Variants in ATXN2 observed in about 807,000 individuals in gnomAD.
The protein encoded by ATXN2 is ataxin 2, also known as ataxin-2.
Under a neutral mutation model 138.6 loss-of-function variants are expected in ATXN2, and 37 were observed. The observed-to-expected ratio is 0.27, with a 90% CI of 0.21 to 0.35. The LOEUF (loss-of-function observed/expected upper bound fraction) is 0.35. Among genes scored for constraint, ATXN2 ranks in the 10% least tolerant of loss-of-function variants. ATXN2 has a pLI of 1.00. For missense variants in ATXN2, 1,216 were observed against 1,480.3 expected (o/e 0.82, Z 2.93); for synonymous variants, 549 against 543.7 (o/e 1.01, Z -0.13).
intron 1 of ATXN2, among the ~76,000 whole-genome samples, chr12:111,557,835 G>A (rs1276909737): frequency 6.6e-6 from 1 of 152,118 alleles, no homozygotes; most frequent in Non-Finnish European, 1.5e-5. Flanking sequence ...GTACATGAAG[G>A]CTAAAATGCC....
intron 1 of ATXN2, among the ~76,000 whole-genome samples, chr12:111,572,994 G>A (rs562055646): frequency 5.8e-4 from 88 of 151,702 alleles, no homozygotes; most frequent in African/African-American, 1.9e-3. Context: ...AAAATAGGGA[G>A]CTGCAGAAAA....
Position 111,486,791 on chromosome 12 carries a change from T to C in ATXN2, c.2274A>G (p.Ala758=), listed in dbSNP as rs1877672975. 1.9e-6 allele frequency: 3 copies of C among 1,613,350 alleles called. No individual in the cohort carries two copies. Among genetic ancestry groups the C allele is most frequent in the East Asian group, 4.5e-5 (2 of 44,840 alleles). ...QVRKSTLNPN[A]KEFNPRSFSQ... Reference sequence around the variant, plus strand: ...AGAAGGAACGTGGGTTGAACTCCTTTGCATTGGGATTCAATGTTGATTTCC... The same window carrying C: ...AGAAGGAACGTGGGTTGAACTCCTTCGCATTGGGATTCAATGTTGATTTCC... Residue 758 remains alanine (A), a synonymous_variant, in exon 16 of 25, where the codon GCA becomes GCG. Transcript: ENST00000673436.
rs1874875626 is a variant in ATXN2, at chr12:111,453,999, T to A, written c.3271-154A>T. 2.7e-6 allele frequency: 2 copies of A among 730,742 alleles called. No homozygotes were observed. The highest frequency in any genetic ancestry group is 4.0e-5 in the South Asian group (2 of 50,324). The allele number at this position is 730,742 out of a possible 1,614,324, so 45.3% of individuals were successfully genotyped here. On this transcript the variant is annotated intron_variant, in intron 23 of 24. Coordinates refer to ENST00000673436, the MANE Select transcript of ATXN2 (RefSeq NM_001372574.1). This position sits in a 1 kb window ranked among gnomAD's most constrained non-coding sequence, Gnocchi z 5.4. ...TCTCTGGGGACAATCTCTAGTAGAT[T>A]ATCTATTGACCTGAAGACGCGCTTC...
At chr12:111,473,280 A>C (rs1040259478) in intron 18 of ATXN2, among the ~76,000 whole-genome samples, 1 of 142,158 alleles carries the variant, frequency 7.0e-6, no homozygotes, top group Non-Finnish European at 1.6e-5. Context: ...TCTCCAAAAA[A>C]TTAAAAAAAA....
chr12:111,507,969 G>A (rs915484177), intron 14 of ATXN2, among the ~76,000 whole-genome samples: 2 of 152,210 alleles, frequency 1.3e-5, no homozygotes, highest in Middle Eastern at 3.4e-3. Context: ...CAGCATGCTC[G>A]TTAAGAGTCA....
intron 18 of ATXN2, among the ~76,000 whole-genome samples, chr12:111,477,024 A>G (rs1354003257): frequency 6.6e-6 from 1 of 152,102 alleles, no homozygotes; most frequent in Non-Finnish European, 1.5e-5. Flanking sequence ...ATAGACACAC[A>G]TACAATACAG....
intron 2 of ATXN2, among the ~76,000 whole-genome samples, chr12:111,554,905 A>G (rs1882311241): frequency 6.6e-6 from 1 of 152,226 alleles, no homozygotes; most frequent in Admixed American, 6.5e-5. Flanking sequence ...CCAGCATATC[A>G]GCATCAGTGA....
chr12:111,582,872 G>T (rs886559318), intron 1 of ATXN2, among the ~76,000 whole-genome samples: 5 of 151,690 alleles, frequency 3.3e-5, no homozygotes, highest in African/African-American at 1.2e-4. Context: ...GTTTCCCCAT[G>T]TTAGGCAGGA....
At chr12:111,457,508 C>A in intron 21 of ATXN2, 149 bp from the exon 22 acceptor site, 1 of 862,510 alleles carries the variant, frequency 1.2e-6, no homozygotes, top group Non-Finnish European at 1.7e-6. Flanking sequence ...TTTAAACCAT[C>A]CATTGTCTTG....
intron 1 of ATXN2, among the ~76,000 whole-genome samples, chr12:111,565,365 T>A (rs1337722446): frequency 6.6e-6 from 1 of 152,224 alleles, no homozygotes; most frequent in Non-Finnish European, 1.5e-5. Flanking sequence ...CACATTCTCA[T>A]AAATCTCACA....
chr12:111,576,824 G>T (rs1305924412), intron 1 of ATXN2, among the ~76,000 whole-genome samples: 1 of 151,736 alleles, frequency 6.6e-6, no homozygotes, highest in South Asian at 2.1e-4. Context: ...CAGGCATGGT[G>T]GCGGGCTCCT....
At chr12:111,587,677 A>C (rs1417257708) in intron 1 of ATXN2, among the ~76,000 whole-genome samples, 2 of 152,144 alleles carry the variant, frequency 1.3e-5, no homozygotes, top group Non-Finnish European at 2.9e-5. Flanking sequence ...AATTTAAAAA[A>C]AAACTGATCA....
Position 111,470,670 on chromosome 12 carries a change from C to A in ATXN2, c.2597G>T (p.Gly866Val), listed in dbSNP as rs1360565136. The change falls in exon 19 of 25, where the codon GGC (glycine) becomes GTC (valine). Residue 866 changes from glycine (G) to valine (V), a missense_variant. Coordinates refer to ENST00000673436, the MANE Select transcript of ATXN2 (RefSeq NM_001372574.1). ...TGGTGGGGTGGCTGCAATCGGTGGG[C>A]CCGCTGCTGACGCTGGGTGCATCAT... is the stretch of plus-strand genomic sequence containing the variant. Reference protein sequence around the residue: ...SAMMHPASAAGPPIAATPPAY... With the variant: ...SAMMHPASAAVPPIAATPPAY... 1 of 1,614,114 alleles carries A rather than the reference C, an allele frequency of 6.2e-7. No individual in the cohort carries two copies. The highest frequency in any genetic ancestry group is 8.5e-7 in the Non-Finnish European group (1 of 1,180,020).
chr12:111,563,776 A>T (rs1882831197), intron 1 of ATXN2, among the ~76,000 whole-genome samples: 1 of 152,186 alleles, frequency 6.6e-6, no homozygotes, highest in South Asian at 2.1e-4. Context: ...TATTTAATGC[A>T]TTGTCCAAGG....
chr12:111,485,970 T>C, intron 16 of ATXN2, 105 bp from the exon 17 acceptor site: 1 of 1,108,406 alleles, frequency 9.0e-7, no homozygotes, highest in Non-Finnish European at 1.2e-6. Context: ...TTGCTTTAAC[T>C]ATGTCCCTTT....
chr12:111,469,368 G>A (rs1271850438), intron 20 of ATXN2: 1 of 152,054 alleles, frequency 6.6e-6, no homozygotes, highest in African/African-American at 2.4e-5. Context: ...ATATACAAAT[G>A]GACATTTTAT....
chr12:111,482,190 A>ATTTT (rs1164424839), intron 18 of ATXN2, among the ~76,000 whole-genome samples: 1 of 101,380 alleles, frequency 9.9e-6, no homozygotes, highest in Non-Finnish European at 1.9e-5. Context: ...TTTCTCTACT[A>ATTTT]TTTTTTTTTT....
intron 1 of ATXN2, among the ~76,000 whole-genome samples, chr12:111,573,215 C>T (rs1033630329): frequency 6.6e-6 from 1 of 151,904 alleles, no homozygotes; most frequent in South Asian, 2.1e-4. Context: ...TTTTTTGAGA[C>T]GGAGTCTTGC....
chr12:111,458,873 T>C (rs922946097), intron 21 of ATXN2, among the ~76,000 whole-genome samples: 1 of 152,112 alleles, frequency 6.6e-6, no homozygotes, highest in Non-Finnish European at 1.5e-5. Context: ...ATGGAGCAGT[T>C]CTATAATCCT....
Sources: gnomAD v4.1 joint callset for allele counts (sites outside exome capture counted in the v4.1 genomes callset) on GRCh38, gnomAD v4.1.1 for gene constraint, Gnocchi (gnomAD v3.1) non-coding constraint, MANE v1.5 for transcripts, NCBI Gene and HGNC (gene_info 2026-07-23, HGNC 2026-07-21) for gene names.